The following ATP6V1E1 variants were observed in gnomAD, a reference collection of about 807,000 sequenced individuals.
ATP6V1E1 encodes the protein ATPase H+ transporting V1 subunit E1.
ATP6V1E1 carries 21 observed loss-of-function variants against 35.2 expected under a neutral mutation model. The observed-to-expected ratio is 0.60, with a 90% confidence interval of 0.42 to 0.86. ATP6V1E1 has a LOEUF of 0.86. Among genes scored for constraint, ATP6V1E1 ranks in the 40% least tolerant of loss-of-function variants. The pLI, the probability that ATP6V1E1 is intolerant of heterozygous loss-of-function variation, is 0.00. For missense variants in ATP6V1E1, 183 were observed against 272.6 expected (o/e 0.67, Z 2.32); for synonymous variants, 83 against 87.8 (o/e 0.95, Z 0.30).
chr22:17,595,884 T>G (rs1331773988), intron 7 of ATP6V1E1, among the ~76,000 whole-genome samples: 1 of 151,396 alleles, frequency 6.6e-6, no homozygotes, highest in Non-Finnish European at 1.5e-5. Flanking sequence ...TAATCCCAGC[T>G]CTTTGAGAGG....
intron 1 of ATP6V1E1, among the ~76,000 whole-genome samples, chr22:17,626,325 A>AAAGAAAG (rs1555864862): frequency 8.1e-6 from 1 of 122,906 alleles, no homozygotes; most frequent in African/African-American, 3.6e-5. Flanking sequence ...AAAAAAAAAA[A>AAAGAAAG]AAAGAAAGAA....
chr22:17,598,380 A>G (rs1413222706), intron 6 of ATP6V1E1, 92 bp from the exon 7 acceptor site: 3 of 1,006,438 alleles, frequency 3.0e-6, no homozygotes, highest in Non-Finnish European at 4.6e-6. Flanking sequence ...GGATACCTCC[A>G]TTTATCCCAG....
chr22:17,619,535 A>C lies in ATP6V1E1; in HGVS notation c.34-9T>G. ...GCCATCATATGCTTTATCTATAAGG[A>C]AAAAAAGTTTTATTTTTTAGTTCAA... On this transcript the variant is annotated splice_polypyrimidine_tract_variant and intron_variant, in intron 1 of 8. Transcript: ENST00000253413. 6.4e-7 allele frequency: 1 copy of C among 1,566,854 alleles called. No homozygotes were observed. The highest frequency in any genetic ancestry group is 1.4e-5 in the African/African-American group (1 of 72,644).
At chr22:17,610,668 T>C (rs568420712) in intron 4 of ATP6V1E1, among the ~76,000 whole-genome samples, 2 of 152,336 alleles carry the variant, frequency 1.3e-5, no homozygotes, top group Admixed American at 6.5e-5. Context: ...CTTTTTTGAA[T>C]TGTACAAATA....
intron 4 of ATP6V1E1, among the ~76,000 whole-genome samples, chr22:17,604,526 CT>C (rs66549570): frequency 2.1e-4 from 31 of 144,828 alleles, no homozygotes; most frequent in South Asian, 4.3e-4. Flanking sequence ...TTTGTTTTCT[CT>C]TTTTTTTTTT....
intron 4 of ATP6V1E1, among the ~76,000 whole-genome samples, chr22:17,612,161 C>G (rs900820325): frequency 6.6e-6 from 1 of 152,148 alleles, no homozygotes; most frequent in Non-Finnish European, 1.5e-5. Context: ...TTTCTTCTAT[C>G]CCAATATTTA....
At chr22:17,599,750 C>CGT (rs2057752621) in intron 6 of ATP6V1E1, among the ~76,000 whole-genome samples, 1 of 150,572 alleles carries the variant, frequency 6.6e-6, no homozygotes, top group Admixed American at 6.6e-5. Context: ...TGAAACCCTC[C>CGT]CTCTACTAAA....
At chr22:17,611,133 G>A (rs368330007) in intron 4 of ATP6V1E1, among the ~76,000 whole-genome samples, 7 of 152,060 alleles carry the variant, frequency 4.6e-5, no homozygotes, top group Admixed American at 4.6e-4. Flanking sequence ...CATTATTATT[G>A]TAAAAGCCTG....
At chr22:17,594,387 G>A in intron 8 of ATP6V1E1, 142 bp downstream of exon 8, 1 of 647,434 alleles carries the variant, frequency 1.5e-6, no homozygotes, top group Non-Finnish European at 2.5e-6. Context: ...GCTACTACAT[G>A]CCCAATTCTC....
chr22:17,627,129 A>G (rs1018680858), intron 1 of ATP6V1E1, among the ~76,000 whole-genome samples: 1 of 151,646 alleles, frequency 6.6e-6, no homozygotes, highest in Non-Finnish European at 1.5e-5. Context: ...AGCTGGGACT[A>G]CAGGCGCACC....
intron 2 of ATP6V1E1, among the ~76,000 whole-genome samples, chr22:17,618,081 A>T (rs2057855769): frequency 6.6e-6 from 1 of 152,180 alleles, no homozygotes; most frequent in Non-Finnish European, 1.5e-5. Context: ...AAGTGCTGGG[A>T]TTACAGGCGT....
intron 1 of ATP6V1E1, among the ~76,000 whole-genome samples, chr22:17,625,071 T>TA (rs1000315135): frequency 3.9e-5 from 6 of 152,250 alleles, no homozygotes; most frequent in African/African-American, 1.2e-4. Context: ...GAAAAAGGTT[T>TA]AAAAAAACCC....
chr22:17,599,197 G>A (rs2146297483), intron 6 of ATP6V1E1, among the ~76,000 whole-genome samples: 1 of 152,122 alleles, frequency 6.6e-6, no homozygotes, highest in South Asian at 2.1e-4. Flanking sequence ...GAAGATGGAT[G>A]GTGGTGATGG....
chr22:17,616,086 G>A (rs1002313789), intron 2 of ATP6V1E1, among the ~76,000 whole-genome samples: 5 of 151,916 alleles, frequency 3.3e-5, no homozygotes, highest in Admixed American at 6.6e-5. Context: ...GGTGGCTCAC[G>A]CCTGTAATCC....
At chr22:17,627,211 T>C (rs1199685690) in intron 1 of ATP6V1E1, among the ~76,000 whole-genome samples, 3 of 151,572 alleles carry the variant, frequency 2.0e-5, no homozygotes, top group Non-Finnish European at 1.5e-5. Context: ...CCAGGGTCGC[T>C]CGGCCTCCCG....
intron 7 of ATP6V1E1, among the ~76,000 whole-genome samples, chr22:17,595,787 C>T (rs1601369307): frequency 6.6e-6 from 1 of 151,998 alleles, no homozygotes; most frequent in Non-Finnish European, 1.5e-5. Context: ...CACCACTGCA[C>T]TCCAGCTTGG....
chr22:17,616,281 G>C (rs1173934791), intron 2 of ATP6V1E1, among the ~76,000 whole-genome samples: 1 of 152,214 alleles, frequency 6.6e-6, no homozygotes, highest in Non-Finnish European at 1.5e-5. Flanking sequence ...CCAGGAGGTG[G>C]GGGTTGTGGT....
At position 17,592,716 on chromosome 22, in the gene ATP6V1E1, TC is replaced by T; in HGVS notation, c.638del (p.Gly213GlufsTer36). On this transcript the variant is annotated frameshift_variant, in exon 9 of 9. Coordinates refer to ENST00000253413, the MANE Select transcript of ATP6V1E1 (RefSeq NM_001696.4). LOFTEE classifies it high-confidence loss of function. Reference protein sequence around the residue: ...IAQQMMPEVRGALFGANANRK... With the variant: ...IAQQMMPEVRXALFGANANRK... ...TGTTGGCATTTGCACCAAACAAGGC[TC>T]CCCGGACTTCTGGCATCATCTGTGG... 1 of 1,613,160 alleles carries T rather than the reference TC, an allele frequency of 6.2e-7. No individual in the cohort carries two copies. Among genetic ancestry groups the T allele is most frequent in the Non-Finnish European group, 8.5e-7 (1 of 1,179,700 alleles).
At chr22:17,623,171 T>A (rs550108880) in intron 1 of ATP6V1E1, among the ~76,000 whole-genome samples, 1 of 152,300 alleles carries the variant, frequency 6.6e-6, no homozygotes, top group Admixed American at 6.5e-5. Flanking sequence ...CAAAAAGTTA[T>A]GATGATCAAA....
Sources: gnomAD v4.1 joint callset for allele counts (sites outside exome capture counted in the v4.1 genomes callset) on GRCh38, gnomAD v4.1.1 for gene constraint, MANE v1.5 for transcripts, NCBI Gene and HGNC (gene_info 2026-07-23, HGNC 2026-07-21) for gene names.